CTNNA2: variants seen among roughly 807,000 people sequenced by gnomAD.
The protein encoded by CTNNA2 is catenin alpha 2, also known as catenin alpha-2.
In CTNNA2, 42 loss-of-function variants were observed where a neutral mutation model predicts 101.0. The observed-to-expected ratio is 0.42, with a 90% CI of 0.32 to 0.54. The LOEUF (loss-of-function observed/expected upper bound fraction) is 0.54, where lower values mean the gene tolerates loss of function less well. CTNNA2 is among the 20% of genes least tolerant of loss of function. The probability of loss-of-function intolerance (pLI) is 0.14; values close to 1 mark genes in which losing one functional copy is unlikely to be tolerated. For missense variants in CTNNA2, 871 were observed against 1,223.1 expected (o/e 0.71, Z 4.29); for synonymous variants, 450 against 456.4 (o/e 0.99, Z 0.18).
At chr2:79,388,140 C>A (rs1458044727) in intron 4 of CTNNA2, among the ~76,000 whole-genome samples, 3 of 152,152 alleles carry the variant, frequency 2.0e-5, no homozygotes, top group African/African-American at 7.2e-5. Flanking sequence ...CTAGGTTATT[C>A]TGCTGCCAAC....
At chr2:79,865,211 T>A (rs556997401) in intron 4 of CTNNA2, among the ~76,000 whole-genome samples, 27 of 152,250 alleles carry the variant, frequency 1.8e-4, no homozygotes, top group African/African-American at 6.5e-4. Flanking sequence ...CACAATTTAA[T>A]CAAGAAGACC....
intron 6 of CTNNA2, among the ~76,000 whole-genome samples, chr2:79,890,812 G>A (rs1203763820): frequency 7.0e-6 from 1 of 142,652 alleles, no homozygotes; most frequent in African/African-American, 2.6e-5. Context: ...AGGCCAGGGA[G>A]TTCAGGATAG....
intron 1 of CTNNA2, among the ~76,000 whole-genome samples, chr2:79,637,667 A>G (rs1343753704): frequency 6.6e-6 from 1 of 152,234 alleles, no homozygotes; most frequent in Non-Finnish European, 1.5e-5. Context: ...CTTAAACAAT[A>G]CCTTAAGGAT....
At chr2:80,522,259 G>A (rs1206734116) in intron 9 of CTNNA2, among the ~76,000 whole-genome samples, 1 of 152,170 alleles carries the variant, frequency 6.6e-6, no homozygotes, top group East Asian at 1.9e-4. Context: ...CTGTTCTCAA[G>A]GATCCTCAAA....
intron 1 of CTNNA2, among the ~76,000 whole-genome samples, chr2:79,618,953 C>T (rs1678819546): frequency 6.6e-6 from 1 of 152,174 alleles, no homozygotes; most frequent in Non-Finnish European, 1.5e-5. Context: ...CGCCTGTAAT[C>T]CCAGCACTTT....
chr2:79,757,674 C>T (rs1408574724), intron 3 of CTNNA2, among the ~76,000 whole-genome samples: 1 of 152,182 alleles, frequency 6.6e-6, no homozygotes, highest in Non-Finnish European at 1.5e-5. Context: ...AACCTGTCCA[C>T]CCGAGAACAC....
At chr2:79,581,389 G>A (rs1320321507) in intron 1 of CTNNA2, among the ~76,000 whole-genome samples, 1 of 152,138 alleles carries the variant, frequency 6.6e-6, no homozygotes, top group Non-Finnish European at 1.5e-5. Flanking sequence ...GCTGGGCATG[G>A]TGGTGGATGC....
intron 13 of CTNNA2, 44 bp from the exon 14 acceptor site, chr2:80,581,662 G>A (rs776957834): frequency 9.6e-6 from 12 of 1,249,480 alleles, no homozygotes; most frequent in Non-Finnish European, 1.4e-5. Flanking sequence ...TGGGGGTGAA[G>A]ATTATCAATT....
intron 3 of CTNNA2, among the ~76,000 whole-genome samples, chr2:79,354,359 G>A (rs1250067324): frequency 6.6e-6 from 1 of 151,996 alleles, no homozygotes; most frequent in Non-Finnish European, 1.5e-5. Flanking sequence ...ATTTCTCAAA[G>A]GTTTTGTTCA....
At chr2:79,309,271 A>G (rs13422993) in intron 2 of CTNNA2, among the ~76,000 whole-genome samples, 27,306 of 152,064 alleles carry the variant, frequency 0.18, 2,864 homozygotes, top group African/African-American at 0.29. Flanking sequence ...CTGGAGTTGT[A>G]CTACATATTT....
intron 9 of CTNNA2, among the ~76,000 whole-genome samples, chr2:80,509,234 A>T (rs1453211618): frequency 6.6e-6 from 1 of 152,164 alleles, no homozygotes; most frequent in Non-Finnish European, 1.5e-5. Flanking sequence ...AGATGCAGAA[A>T]CTTGAGGCTC....
chr2:80,037,964 A>T (rs772983214), intron 7 of CTNNA2, among the ~76,000 whole-genome samples: 9 of 152,184 alleles, frequency 5.9e-5, no homozygotes, highest in Admixed American at 2.6e-4. Context: ...ATATGTTGTC[A>T]TTATTATTAG....
At chr2:80,561,157 G>A (rs1214433624) in intron 12 of CTNNA2, among the ~76,000 whole-genome samples, 2 of 152,076 alleles carry the variant, frequency 1.3e-5, no homozygotes, top group Admixed American at 1.3e-4. Flanking sequence ...GGGGACTGGA[G>A]TATGAGATTG....
At chr2:79,716,886 T>G (rs1287640223) in intron 2 of CTNNA2, among the ~76,000 whole-genome samples, 1 of 152,024 alleles carries the variant, frequency 6.6e-6, no homozygotes, top group Non-Finnish European at 1.5e-5. Context: ...ACAAAAAACA[T>G]TGACAAAGGC....
intron 4 of CTNNA2, among the ~76,000 whole-genome samples, chr2:79,458,420 CTCT>C (rs1670846853): frequency 6.6e-6 from 1 of 152,156 alleles, no homozygotes. Flanking sequence ...GTCTTGTGCT[CTCT>C]CCTGGGCAGT....
At chr2:79,731,912 T>G (rs570325494) in intron 2 of CTNNA2, among the ~76,000 whole-genome samples, 8 of 152,070 alleles carry the variant, frequency 5.3e-5, no homozygotes, top group Admixed American at 3.3e-4. Context: ...AGTTTCTCAG[T>G]TAGCAGAAAT....
intron 2 of CTNNA2, among the ~76,000 whole-genome samples, chr2:79,203,604 T>C (rs1375974472): frequency 6.6e-6 from 1 of 152,238 alleles, no homozygotes; most frequent in Non-Finnish European, 1.5e-5. Context: ...CAGAAGCATG[T>C]ATGATAGACA....
At chr2:79,528,137 G>C (rs1287466994) in intron 1 of CTNNA2, among the ~76,000 whole-genome samples, 1 of 152,102 alleles carries the variant, frequency 6.6e-6, no homozygotes, top group African/African-American at 2.4e-5. Context: ...AAAACTAGTG[G>C]TTGTCAGGGT....
At chr2:79,876,920 A>G (rs1292454525) in intron 6 of CTNNA2, among the ~76,000 whole-genome samples, 1 of 152,154 alleles carries the variant, frequency 6.6e-6, no homozygotes, top group Non-Finnish European at 1.5e-5. Context: ...ACCATCAAAC[A>G]TGTTTTTTAT....
Sources: gnomAD v4.1 joint callset for allele counts (sites outside exome capture counted in the v4.1 genomes callset) on GRCh38, gnomAD v4.1.1 for gene constraint, MANE v1.5 for transcripts, NCBI Gene and HGNC (gene_info 2026-07-23, HGNC 2026-07-21) for gene names.